The following ADGRL2 variants were observed in gnomAD, a reference collection of about 807,000 sequenced individuals.
ADGRL2 encodes the protein calcium-independent alpha-latrotoxin receptor 2.
Under a neutral mutation model 157.4 loss-of-function variants are expected in ADGRL2, and 44 were observed. The ratio of observed to expected loss-of-function variants is 0.28; its 90% CI spans 0.22 to 0.36. The LOEUF (loss-of-function observed/expected upper bound fraction) is 0.36. Among genes scored for constraint, ADGRL2 ranks in the 10% least tolerant of loss-of-function variants. ADGRL2 has a pLI of 1.00. For synonymous variants in ADGRL2, 585 were observed against 624.7 expected (o/e 0.94, Z 0.95); for missense variants, 1,510 against 1,768.9 (o/e 0.85, Z 2.63).
intron 1 of ADGRL2, among the ~76,000 whole-genome samples, chr1:81,814,042 A>C (rs1038468009): frequency 4.0e-5 from 6 of 151,740 alleles, no homozygotes; most frequent in Non-Finnish European, 7.4e-5. Context: ...ATTGTACTGA[A>C]AAGTTAATCA....
chr1:81,605,461 G>A (rs566718414), intron 3 of ADGRL2, among the ~76,000 whole-genome samples: 3 of 152,316 alleles, frequency 2.0e-5, no homozygotes, highest in Non-Finnish European at 2.9e-5. Context: ...ACAGTCATAC[G>A]AAAGACACTT....
At chr1:81,387,797 GA>G (rs199537136) in intron 1 of ADGRL2, among the ~76,000 whole-genome samples, 2,016 of 152,004 alleles carry the variant, frequency 0.013, 42 homozygotes, top group African/African-American at 0.041. Context: ...TTCTTAAACT[GA>G]AAAAAATTCT....
At chr1:81,504,260 A>T (rs1008127217) in intron 2 of ADGRL2, among the ~76,000 whole-genome samples, 31 of 151,268 alleles carry the variant, frequency 2.0e-4, no homozygotes, top group South Asian at 2.1e-4. Flanking sequence ...CAGCCCACTC[A>T]TCCTTTCCCC....
At chr1:81,413,590 AT>A (rs2076984954) in intron 1 of ADGRL2, among the ~76,000 whole-genome samples, 1 of 152,222 alleles carries the variant, frequency 6.6e-6, no homozygotes, top group African/African-American at 2.4e-5. Context: ...CAAGAAAAAA[AT>A]GTCATGTCCT....
At chr1:81,470,612 T>G (rs2078151472) in intron 2 of ADGRL2, among the ~76,000 whole-genome samples, 1 of 152,206 alleles carries the variant, frequency 6.6e-6, no homozygotes, top group Admixed American at 6.5e-5. Flanking sequence ...ACAAAAACAT[T>G]TTTTAAAGTC....
At chr1:81,599,254 A>G (rs1570604650) in intron 3 of ADGRL2, among the ~76,000 whole-genome samples, 1 of 152,222 alleles carries the variant, frequency 6.6e-6, no homozygotes, top group South Asian at 2.1e-4. Flanking sequence ...CAGGAAAATC[A>G]TTTTTCTATG....
At chr1:81,573,270 C>A (rs1212590219) in intron 2 of ADGRL2, among the ~76,000 whole-genome samples, 3 of 152,066 alleles carry the variant, frequency 2.0e-5, no homozygotes, top group African/African-American at 7.2e-5. Flanking sequence ...GTGATCTCAG[C>A]TTGCAGAGGA....
At chr1:81,365,075 G>A (rs1056123614) in intron 1 of ADGRL2, among the ~76,000 whole-genome samples, 11 of 152,086 alleles carry the variant, frequency 7.2e-5, no homozygotes, top group African/African-American at 1.4e-4. Context: ...GAGAGCTGAC[G>A]CCCTGAGGCT....
At chr1:81,399,744 A>G (rs2076719242) in intron 1 of ADGRL2, among the ~76,000 whole-genome samples, 1 of 152,154 alleles carries the variant, frequency 6.6e-6, no homozygotes, top group South Asian at 2.1e-4. Context: ...GAGTTGCCTT[A>G]AGATTATTAT....
rs2078306913 is a variant in ADGRL2 at position 81,477,976 on chromosome 1, C to T, written c.-248+32887C>T. ...AAAAGTGTGAACGGAACAAATGGCA[C>T]ACTGTGTTCCAAAACTGAAGAGAGC... On this transcript the variant is annotated intron_variant, in intron 2 of 24. Coordinates refer to the ADGRL2 transcript ENST00000370721. 3.3e-5 allele frequency among the ~76,000 whole-genome samples: 5 copies of T among 152,080 alleles called. No homozygotes were observed. The South Asian group carries it at 1.0e-3, about 31-fold the overall frequency.
At chr1:81,332,413 T>A (rs1661337788) in intron 1 of ADGRL2, among the ~76,000 whole-genome samples, 1 of 152,170 alleles carries the variant, frequency 6.6e-6, no homozygotes, top group South Asian at 2.1e-4. Flanking sequence ...AGAACTTTTA[T>A]AGAATTTTCA....
At chr1:81,561,547 A>G (rs1033859852) in intron 2 of ADGRL2, among the ~76,000 whole-genome samples, 19 of 150,750 alleles carry the variant, frequency 1.3e-4, no homozygotes, top group African/African-American at 2.4e-4. Flanking sequence ...TGCAACCACA[A>G]TCTCCCGGGT....
intron 3 of ADGRL2, among the ~76,000 whole-genome samples, chr1:81,676,400 T>A (rs2148935725): frequency 6.6e-6 from 1 of 152,212 alleles, no homozygotes; most frequent in Admixed American, 6.5e-5. Flanking sequence ...CGGGTTCAAG[T>A]GATCCTACCA....
chr1:81,483,497 T>C (rs1353606318), intron 2 of ADGRL2, among the ~76,000 whole-genome samples: 2 of 152,200 alleles, frequency 1.3e-5, no homozygotes, highest in African/African-American at 4.8e-5. Context: ...GATAAATAGC[T>C]ACTTCTATTT....
At chr1:81,498,564 A>G (rs1173342456) in intron 2 of ADGRL2, among the ~76,000 whole-genome samples, 1 of 152,218 alleles carries the variant, frequency 6.6e-6, no homozygotes, top group Non-Finnish European at 1.5e-5. Flanking sequence ...ACATCTGAGT[A>G]TAATTGCAGT....
intron 1 of ADGRL2, among the ~76,000 whole-genome samples, chr1:81,391,270 A>G (rs560390684): frequency 7.8e-4 from 119 of 152,348 alleles, no homozygotes; most frequent in South Asian, 5.8e-3. Flanking sequence ...CACTTGTGCT[A>G]CAGAAGGCCT....
At chr1:81,463,536 G>T (rs2077985089) in intron 2 of ADGRL2, among the ~76,000 whole-genome samples, 1 of 152,186 alleles carries the variant, frequency 6.6e-6, no homozygotes. Context: ...GGCTGCAACT[G>T]CTGTCGGATT....
intron 3 of ADGRL2, among the ~76,000 whole-genome samples, chr1:81,679,581 A>C (rs2083066310): frequency 6.6e-6 from 1 of 152,210 alleles, no homozygotes; most frequent in Non-Finnish European, 1.5e-5. Context: ...AGTGCTTTGC[A>C]CATAGTTTTA....
chr1:81,418,694 C>T (rs2077075368), intron 1 of ADGRL2, among the ~76,000 whole-genome samples: 1 of 152,152 alleles, frequency 6.6e-6, no homozygotes, highest in Admixed American at 6.5e-5. Context: ...GCAGTACTTG[C>T]AGTGAGCTGA....
Sources: gnomAD v4.1 joint callset for allele counts (sites outside exome capture counted in the v4.1 genomes callset) on GRCh38, gnomAD v4.1.1 for gene constraint, MANE v1.5 for transcripts, NCBI Gene and HGNC (gene_info 2026-07-23, HGNC 2026-07-21) for gene names.